The following JMJD1C variants were observed in gnomAD, a reference collection of about 807,000 sequenced individuals.
JMJD1C encodes jumonji domain-containing protein 1C.
Under a neutral mutation model 245.3 loss-of-function variants are expected in JMJD1C, and 31 were observed. That is an observed-to-expected ratio of 0.13 (90% confidence interval 0.09 to 0.17). The LOEUF (loss-of-function observed/expected upper bound fraction) is 0.17. Among genes scored for constraint, JMJD1C ranks in the 10% least tolerant of loss-of-function variants. JMJD1C has a pLI of 1.00. For missense variants in JMJD1C, 2,691 were observed against 3,000.2 expected (o/e 0.90, Z 2.41); for synonymous variants, 1,057 against 1,017.4 (o/e 1.04, Z -0.74).
chr10:63,200,648 A>G lies in JMJD1C; in HGVS notation c.5104T>C (p.Trp1702Arg), dbSNP rs199703728. ...TGCTTCAGCTTCTTGACTTTACGCC[A>G]ATCTTTCAATACTGAACGAGGAATG... ...TGIPRSVLKD[W>R]RKVKKLKQTG... The change falls in exon 11 of 26, where the codon TGG becomes CGG. Residue 1702 changes from tryptophan (W) to arginine (R), a missense_variant. By Grantham distance (101) the Trp-to-Arg change is moderately radical (BLOSUM62 -3). Transcript: ENST00000399262. 7 of 1,613,930 alleles carry G rather than the reference A, an allele frequency of 4.3e-6. No individual in the cohort carries two copies. The highest frequency in any genetic ancestry group is 5.9e-6 in the Non-Finnish European group (7 of 1,179,946).
intron 2 of JMJD1C, among the ~76,000 whole-genome samples, chr10:63,308,484 A>C (rs996807942): frequency 2.0e-5 from 3 of 152,324 alleles, no homozygotes; most frequent in African/African-American, 4.8e-5. Context: ...AGACAGAGAC[A>C]AAAGAATAAG....
intron 2 of JMJD1C, among the ~76,000 whole-genome samples, chr10:63,265,671 A>C (rs1289430901): frequency 6.6e-6 from 1 of 152,204 alleles, no homozygotes; most frequent in Non-Finnish European, 1.5e-5. Flanking sequence ...CATTTTAAAA[A>C]CACAGCTGCT....
At chr10:63,264,813 T>A in intron 2 of JMJD1C, 49 bp from the exon 3 acceptor site, 1 of 820,334 alleles carries the variant, frequency 1.2e-6, no homozygotes, top group Non-Finnish European at 2.1e-6. Flanking sequence ...GGTAGTATCC[T>A]GAAATTATGA....
At chr10:63,304,494 TAA>T (rs1937733978) in intron 2 of JMJD1C, among the ~76,000 whole-genome samples, 1 of 152,142 alleles carries the variant, frequency 6.6e-6, no homozygotes, top group Non-Finnish European at 1.5e-5. Context: ...TAAAAAGAAA[TAA>T]AAGACGTGGG....
intron 3 of JMJD1C, among the ~76,000 whole-genome samples, chr10:63,232,565 T>C (rs891864822): frequency 1.3e-5 from 2 of 152,038 alleles, no homozygotes; most frequent in Non-Finnish European, 2.9e-5. Context: ...ACCTAGAAGT[T>C]TGCTGTTGCT....
intron 2 of JMJD1C, among the ~76,000 whole-genome samples, chr10:63,293,335 C>T (rs1464598380): frequency 6.6e-6 from 1 of 151,928 alleles, no homozygotes; most frequent in Non-Finnish European, 1.5e-5. Context: ...TGTGTAGAAC[C>T]AAACAAATCT....
intron 2 of JMJD1C, among the ~76,000 whole-genome samples, chr10:63,303,597 T>C (rs1860352488): frequency 6.6e-6 from 1 of 152,116 alleles, no homozygotes; most frequent in Non-Finnish European, 1.5e-5. Flanking sequence ...TGATCCACCA[T>C]ACCCGGCCTG....
intron 1 of JMJD1C, among the ~76,000 whole-genome samples, chr10:63,517,135 G>T (rs1049818781): frequency 6.6e-6 from 1 of 152,108 alleles, no homozygotes; most frequent in Non-Finnish European, 1.5e-5. Context: ...ATAGAAATGC[G>T]AAGGTGACCT....
chr10:63,445,326 G>A (rs1951646569), intron 1 of JMJD1C, among the ~76,000 whole-genome samples: 1 of 152,184 alleles, frequency 6.6e-6, no homozygotes, highest in South Asian at 2.1e-4. Context: ...GTCAATTTTA[G>A]ATAAGGTAGT....
chr10:63,208,597 T>G lies in JMJD1C; in HGVS notation c.3072A>C (p.Arg1024=). 6.2e-7 allele frequency: 1 copy of G among 1,614,082 alleles called. No homozygotes were observed. Among genetic ancestry groups the G allele is most frequent in the South Asian group, 1.1e-5 (1 of 91,082 alleles). The change falls in exon 10 of 26, where the codon CGA becomes CGC. Residue 1024 remains arginine, a synonymous_variant. Coordinates refer to ENST00000399262, the MANE Select transcript of JMJD1C (RefSeq NM_032776.3). ...CAACATCAATACTTTCTTGAAGAAT[T>G]CGACGGTGTTCCTCTTTGTATTTGT... ...RLNKYKEEHR[R]ILQESIDVAP...
At chr10:63,414,892 G>C (rs140381863) in intron 1 of JMJD1C, among the ~76,000 whole-genome samples, 6 of 140,014 alleles carry the variant, frequency 4.3e-5, no homozygotes, top group Non-Finnish European at 7.5e-5. Context: ...GGGCGATACA[G>C]CAAGACTCTA....
intron 3 of JMJD1C, among the ~76,000 whole-genome samples, chr10:63,250,050 C>A (rs1852844391): frequency 6.6e-6 from 1 of 151,974 alleles, no homozygotes; most frequent in Admixed American, 6.6e-5. Flanking sequence ...CCCTCTGTTA[C>A]CTAGGCTGGT....
intron 2 of JMJD1C, among the ~76,000 whole-genome samples, chr10:63,361,534 T>C (rs1192900033): frequency 6.6e-6 from 1 of 151,840 alleles, no homozygotes; most frequent in South Asian, 2.1e-4. Context: ...AGCAGAAGTG[T>C]CTCTGGGGTT....
chr10:63,285,774 C>G (rs1423401457), intron 2 of JMJD1C, among the ~76,000 whole-genome samples: 4 of 152,180 alleles, frequency 2.6e-5, no homozygotes, highest in African/African-American at 9.7e-5. Flanking sequence ...CACCACTGCA[C>G]TCGAGACTGG....
chr10:63,290,108 G>T (rs915554138), intron 2 of JMJD1C, among the ~76,000 whole-genome samples: 1 of 151,804 alleles, frequency 6.6e-6, no homozygotes, highest in African/African-American at 2.4e-5. Context: ...AGAAGTTTGG[G>T]TCAAAATAAC....
At chr10:63,284,901 ACACAC>A (rs774979456) in intron 2 of JMJD1C, among the ~76,000 whole-genome samples, 1,020 of 92,350 alleles carry the variant, frequency 0.011, 12 homozygotes, top group Non-Finnish European at 0.019. Context: ...ACACACACAC[ACACAC>A]ATTCTCTCTA....
chr10:63,225,098 T>C (rs1400304190), intron 3 of JMJD1C, among the ~76,000 whole-genome samples: 1 of 151,982 alleles, frequency 6.6e-6, no homozygotes, highest in African/African-American at 2.4e-5. Flanking sequence ...TGGCACAGTC[T>C]TCACATTTCA....
chr10:63,315,145 T>C (rs1051872064), intron 2 of JMJD1C, among the ~76,000 whole-genome samples: 2 of 152,036 alleles, frequency 1.3e-5, no homozygotes, highest in Non-Finnish European at 2.9e-5. Context: ...TTTTGATTCA[T>C]GGAAGTACAC....
chr10:63,304,660 A>C (rs1937761197), intron 2 of JMJD1C, among the ~76,000 whole-genome samples: 1 of 152,222 alleles, frequency 6.6e-6, no homozygotes, highest in Non-Finnish European at 1.5e-5. Flanking sequence ...TCTGTATAGT[A>C]AAAACACTGG....
Sources: allele counts gnomAD v4.1 joint callset (sites outside exome capture counted in the v4.1 genomes callset), GRCh38; gene constraint gnomAD v4.1.1; transcripts MANE v1.5; gene names NCBI Gene and HGNC (gene_info 2026-07-23, HGNC 2026-07-21).